Variants in ADCK5 observed in about 807,000 individuals in gnomAD.
ADCK5 encodes aarF domain containing kinase 5, also known as uncharacterized aarF domain-containing protein kinase 5.
In ADCK5, 43 loss-of-function variants were observed where a neutral mutation model predicts 64.9. That is an observed-to-expected ratio of 0.66 (90% confidence interval 0.52 to 0.85). The LOEUF is 0.85. ADCK5 is among the 40% of genes least tolerant of loss of function. ADCK5 has a pLI of 0.00. For synonymous variants in ADCK5, 434 were observed against 342.8 expected (o/e 1.27, Z -2.94); for missense variants, 760 against 810.5 (o/e 0.94, Z 0.76).
In ADCK5 at chr8:144,383,144, G is replaced by A. The variant is rs571879889; in HGVS notation, c.180G>A (p.Leu60=). ...CCACCGCGGTAGTGGGGGCGCCCCT[G>A]CTCCTCGGAGCCCGCTATGTCATGG... The part of the protein sequence containing the change: ...VLSTAVVGAP[L]LLGARYVMAE... Residue 60 remains leucine (L), a synonymous_variant, in exon 3 of 15, where the codon CTG becomes CTA. Coordinates refer to ENST00000308860, the MANE Select transcript of ADCK5 (RefSeq NM_174922.5). The A allele has an allele frequency of 1.3e-6, 2 of 1,591,304 alleles. No homozygotes were observed. Among genetic ancestry groups the A allele is most frequent in the African/African-American group, 2.7e-5 (2 of 74,774 alleles).
At position 144,392,073 on chromosome 8, in the gene ADCK5, T is replaced by G; in HGVS notation, c.1097-19T>G. 6.8e-6 allele frequency: 11 copies of G among 1,611,922 alleles called. No homozygotes were observed. Among genetic ancestry groups the G allele is most frequent in the Non-Finnish European group, 9.3e-6 (11 of 1,179,834 alleles). On this transcript the variant is annotated intron_variant, in intron 10 of 14. Transcript: ENST00000308860. ...GTCTCAGGGTGGGCGCAGCGCGACC[T>G]AAGAGGCTGTATCCCTAGTTCTGGT...
At chr8:144,373,584 C>G (rs974723379), upstream of ADCK5, among the ~76,000 whole-genome samples, 1 of 152,228 alleles carries the variant, frequency 6.6e-6, no homozygotes, top group Non-Finnish European at 1.5e-5. Context: ...CTCCAGGACC[C>G]CTTTGGCCAC....
At chr8:144,387,517 C>T (rs1819975258) in intron 3 of ADCK5, among the ~76,000 whole-genome samples, 1 of 152,132 alleles carries the variant, frequency 6.6e-6, no homozygotes, top group Admixed American at 6.6e-5. Flanking sequence ...TCTCCCAGCC[C>T]CAGTCTCCCC....
chr8:144,388,249 C>T (rs764954075), intron 3 of ADCK5, among the ~76,000 whole-genome samples: 3 of 150,260 alleles, frequency 2.0e-5, no homozygotes, highest in East Asian at 2.0e-4. Flanking sequence ...CCCAGCTCCT[C>T]GGGAGGCTGA....
rs1820378302 is a variant in ADCK5 at position 144,392,840 on chromosome 8, C to G, written c.1585C>G (p.Leu529Val). The G allele has an allele frequency of 6.3e-7, 1 of 1,593,298 alleles. No homozygotes were observed. Among genetic ancestry groups the G allele is most frequent in the Admixed American group, 1.7e-5 (1 of 57,788 alleles). Residue 529 changes from leucine (L) to valine (V), a missense_variant, in exon 14 of 15, where the codon CTG becomes GTG. By Grantham distance (32) the Leu-to-Val change is conservative. Around this residue, in one of 2 missense-constraint regions of ADCK5, gnomAD observed 333 missense variants for 292.0 expected, o/e 1.14. Transcript: ENST00000308860. Reference sequence around the variant, plus strand: ...TCGGGGTGTCTACGGCACCAGCCTCCTGCGCCACGCCAAGGTCGTCTGGGA... The same window carrying G: ...TCGGGGTGTCTACGGCACCAGCCTCGTGCGCCACGCCAAGGTCGTCTGGGA... The part of the protein sequence containing the change: ...TYRGVYGTSL[L>V]RHAKVVWEML...
Position 144,379,383 on chromosome 8 carries a change from G to A in ADCK5, c.13-4G>A, listed in dbSNP as rs782143364. On this transcript the variant is annotated splice_region_variant and splice_polypyrimidine_tract_variant and intron_variant, in intron 1 of 14. Coordinates refer to ENST00000308860, the MANE Select transcript of ADCK5 (RefSeq NM_174922.5). ...CGACCCCACACAATTTCCTCTCTTT[G>A]CAGGTGCAGCTCTGTCATTTCCACT... 1.3e-6 allele frequency: 2 copies of A among 1,599,246 alleles called. No individual in the cohort carries two copies. The highest frequency in any genetic ancestry group is 2.2e-5 in the South Asian group (2 of 89,384).
In ADCK5 at chr8:144,393,131, G is replaced by A. The variant is rs1452388857; in HGVS notation, c.*57G>A. 1.5e-5 allele frequency: 22 copies of A among 1,453,400 alleles called. No individual in the cohort carries two copies. In the East Asian group the frequency reaches 2.2e-4, roughly 15 times the overall value. 90.0% of individuals were successfully genotyped at this position (1,453,400 alleles called of 1,614,324 possible). On this transcript the variant is annotated 3_prime_UTR_variant, in exon 15 of 15. Coordinates refer to ENST00000308860, the MANE Select transcript of ADCK5 (RefSeq NM_174922.5). ...TTCACCTTGGGCTGACGGAGGTGGCGGGGCTAGAGGTGTAGACACCCCGAG... is the reference window on the plus strand; with the variant it reads ...TTCACCTTGGGCTGACGGAGGTGGCAGGGCTAGAGGTGTAGACACCCCGAG...
chr8:144,374,653 G>T (rs1362746995), intron 1 of ADCK5, among the ~76,000 whole-genome samples: 10 of 152,142 alleles, frequency 6.6e-5, no homozygotes, highest in Non-Finnish European at 1.3e-4. Context: ...AATCACGGAC[G>T]CCTCCCTGCC....
upstream of ADCK5, chr8:144,373,977 G>T (rs2130675326): frequency 1.7e-6 from 2 of 1,150,288 alleles, no homozygotes; most frequent in Non-Finnish European, 2.2e-6. Context: ...CTCGCCCACC[G>T]CCCACGGGGC....
Position 144,374,066 on chromosome 8 carries a change from G to A in ADCK5, c.-30G>A. On this transcript the variant is annotated 5_prime_UTR_variant, in exon 1 of 15. Transcript: ENST00000308860. ...GGCTGCGAGACGCTAAGCGGCGCCG[G>A]GCGGGAGAAGAGCGGAGCAGTGGTC... is the stretch of plus-strand genomic sequence containing the variant. The A allele has an allele frequency of 8.0e-7, 1 of 1,246,422 alleles. No homozygotes were observed. Among genetic ancestry groups the A allele is most frequent in the Non-Finnish European group, 1.0e-6 (1 of 988,470 alleles). The allele number at this position is 1,246,422 out of a possible 1,614,324, so 77.2% of individuals were successfully genotyped here.
At position 144,391,904 on chromosome 8, in the gene ADCK5, G is replaced by T. The variant is rs549271923; in HGVS notation, c.1015-37G>T. 286 of 1,610,388 alleles carry T rather than the reference G, an allele frequency of 1.8e-4. No homozygotes were observed. The South Asian group carries it at 2.9e-3, about 16-fold the overall frequency. ...GGGCGGGGGCGGGTCAGGGCGGGCT[G>T]GTGCTGTGTCCACTGCAATGCCTCT... On this transcript the variant is annotated intron_variant, in intron 9 of 14. Coordinates refer to ENST00000308860, the MANE Select transcript of ADCK5 (RefSeq NM_174922.5).
chr8:144,373,927 C>T (rs1288042632), upstream of ADCK5: 1 of 771,450 alleles, frequency 1.3e-6, no homozygotes. Context: ...GACGCTGCCC[C>T]GCCGCGGAGG....
At position 144,388,720 on chromosome 8, in the gene ADCK5, G is replaced by A. The variant is rs185758520; in HGVS notation, c.267-1951G>A. Among the ~76,000 whole-genome samples the A allele has an allele frequency of 1.7e-4, 25 of 150,630 alleles. 1 individual carries two copies. The East Asian group carries it at 3.5e-3, about 21-fold the overall frequency. ...GCGGAGCCTGCAGTGAGCCAAGATC[G>A]CCACCACACTCCAGCCTGGGCGACA... On this transcript the variant is annotated intron_variant, in intron 3 of 14. Transcript: ENST00000308860.
intron 1 of ADCK5, chr8:144,375,502 C>T: frequency 4.1e-6 from 4 of 985,516 alleles, no homozygotes; most frequent in Non-Finnish European, 4.8e-6. Flanking sequence ...AGTTGCTTCT[C>T]ACTGCTGCGG....
rs1052952 is a variant in ADCK5 at position 144,393,097 on chromosome 8, G to A, written c.*23G>A. On this transcript the variant is annotated 3_prime_UTR_variant, in exon 15 of 15. Coordinates refer to ENST00000308860, the MANE Select transcript of ADCK5 (RefSeq NM_174922.5). ...TAGGGTGCAGCCGCCCAGGGCCGGC[G>A]GGGCCCTTTTCACCTTGGGCTGACG... is the stretch of plus-strand genomic sequence containing the variant. The A allele has an allele frequency of 0.37, 568,624 of 1,525,824 alleles. 111,574 individuals are homozygous for A. Among genetic ancestry groups the A allele is most frequent in the East Asian group, 0.67 (27,745 of 41,390 alleles). The allele number at this position is 1,525,824 out of a possible 1,614,324, so 94.5% of individuals were successfully genotyped here.
intron 1 of ADCK5, among the ~76,000 whole-genome samples, chr8:144,377,787 A>T (rs1342942871): frequency 6.6e-6 from 1 of 152,162 alleles, no homozygotes; most frequent in African/African-American, 2.4e-5. Flanking sequence ...TGACCTACGT[A>T]GGCCACTCCT....
chr8:144,383,092 C>G lies in ADCK5; in HGVS notation c.128C>G (p.Pro43Arg). ...VRGLPPRFSS[P>R]TPLWRKVLST... ...TTGTCTCTCCTCAGGTTCTCCAGCCCCACACCCCTGTGGAGGAAGGTGCTC... is the reference window on the plus strand; with the variant it reads ...TTGTCTCTCCTCAGGTTCTCCAGCCGCACACCCCTGTGGAGGAAGGTGCTC... Residue 43 changes from proline to arginine, a missense_variant, in exon 3 of 15, where the codon CCC (proline) becomes CGC (arginine). This residue lies in a region of ADCK5 where 427 missense variants were observed against 518.4 expected (regional missense o/e 0.82). Coordinates refer to ENST00000308860, the MANE Select transcript of ADCK5 (RefSeq NM_174922.5). 1 of 1,588,118 alleles carries G rather than the reference C, an allele frequency of 6.3e-7. No individual in the cohort carries two copies.
intron 3 of ADCK5, among the ~76,000 whole-genome samples, chr8:144,385,503 A>G (rs1393745017): frequency 1.3e-5 from 2 of 150,470 alleles, no homozygotes; most frequent in Non-Finnish European, 1.5e-5. Context: ...AATCACCACC[A>G]GGCGCGGTGG....
At chr8:144,392,417 C>CGGCCCA in intron 12 of ADCK5, 28 bp from the exon 13 acceptor site, 2 of 1,325,702 alleles carry the variant, frequency 1.5e-6, no homozygotes, top group Non-Finnish European at 2.0e-6. Flanking sequence ...TCAGAGCCCC[C>CGGCCCA]TCCCTCCCTC....
Sources: gnomAD v4.1 joint callset for allele counts (sites outside exome capture counted in the v4.1 genomes callset) on GRCh38, gnomAD v4.1.1 for gene constraint, gnomAD v4.1.1 regional missense constraint, MANE v1.5 for transcripts, NCBI Gene and HGNC (gene_info 2026-07-23, HGNC 2026-07-21) for gene names.